Variants in SORCS1 observed in about 807,000 individuals in gnomAD.
SORCS1 encodes VPS10 domain-containing receptor SorCS1.
In SORCS1, 60 loss-of-function variants were observed where a neutral mutation model predicts 146.1. The observed-to-expected ratio is 0.41, with a 90% CI of 0.33 to 0.51. The LOEUF is 0.51. SORCS1 is among the 20% of genes least tolerant of loss of function. SORCS1 has a pLI of 0.21. For missense variants in SORCS1, 1,352 were observed against 1,487.6 expected (o/e 0.91, Z 1.50); for synonymous variants, 637 against 584.0 (o/e 1.09, Z -1.31).
At chr10:106,981,737 C>A (rs139041435) in intron 1 of SORCS1, among the ~76,000 whole-genome samples, 58 of 152,222 alleles carry the variant, frequency 3.8e-4, no homozygotes, top group African/African-American at 1.3e-3. Flanking sequence ...TAACCAATAT[C>A]CAAAAGAAGA....
chr10:106,873,530 C>T (rs1950489971), intron 2 of SORCS1, among the ~76,000 whole-genome samples: 1 of 152,114 alleles, frequency 6.6e-6, no homozygotes, highest in South Asian at 2.1e-4. Context: ...AGAGAACAGA[C>T]TTTCTGATAC....
intron 3 of SORCS1, among the ~76,000 whole-genome samples, chr10:106,807,248 C>T (rs1006809755): frequency 6.6e-6 from 1 of 152,168 alleles, no homozygotes. Context: ...AGTGCAAGGA[C>T]TGCAGATAAA....
intron 1 of SORCS1, among the ~76,000 whole-genome samples, chr10:107,154,787 C>T (rs930309336): frequency 6.6e-6 from 1 of 152,094 alleles, no homozygotes; most frequent in Non-Finnish European, 1.5e-5. Context: ...AACAGCTAAC[C>T]CTTATTGATG....
intron 17 of SORCS1, among the ~76,000 whole-genome samples, chr10:106,658,446 T>C (rs895595294): frequency 3.9e-5 from 6 of 152,162 alleles, no homozygotes; most frequent in Admixed American, 6.6e-5. Flanking sequence ...GGGGTGTTAC[T>C]GTCATTGAGC....
intron 1 of SORCS1, among the ~76,000 whole-genome samples, chr10:107,119,503 A>T (rs1250114255): frequency 1.3e-5 from 2 of 152,210 alleles, no homozygotes; most frequent in East Asian, 1.9e-4. Context: ...AGGCTTTGAA[A>T]ATGTTACTTT....
chr10:106,974,929 C>A (rs1955930811), intron 1 of SORCS1, among the ~76,000 whole-genome samples: 1 of 152,162 alleles, frequency 6.6e-6, no homozygotes, highest in Admixed American at 6.5e-5. Context: ...ATTGTCAATG[C>A]CACAAACAAA....
At chr10:106,723,737 A>G (rs1321633629) in intron 6 of SORCS1, among the ~76,000 whole-genome samples, 1 of 152,238 alleles carries the variant, frequency 6.6e-6, no homozygotes. Context: ...GATCTAAGAT[A>G]AAGTACTAGT....
At chr10:106,692,640 T>C (rs1195628576) in intron 9 of SORCS1, among the ~76,000 whole-genome samples, 1 of 152,192 alleles carries the variant, frequency 6.6e-6, no homozygotes, top group Admixed American at 6.5e-5. Context: ...AAAGCTGTTT[T>C]AAAGGAAAGA....
chr10:106,743,201 A>T (rs1320690516), intron 5 of SORCS1, among the ~76,000 whole-genome samples: 3 of 152,070 alleles, frequency 2.0e-5, no homozygotes, highest in South Asian at 4.2e-4. Context: ...AAAAGAGAAC[A>T]TGGGAAAGAG....
chr10:106,673,491 G>T (rs1360425403), intron 14 of SORCS1, among the ~76,000 whole-genome samples: 1 of 152,110 alleles, frequency 6.6e-6, no homozygotes, highest in Non-Finnish European at 1.5e-5. Context: ...AATGAGTTTT[G>T]TTAACATTGC....
At chr10:107,047,887 T>A (rs1449756053) in intron 1 of SORCS1, among the ~76,000 whole-genome samples, 1 of 151,856 alleles carries the variant, frequency 6.6e-6, no homozygotes, top group Non-Finnish European at 1.5e-5. Flanking sequence ...TCGAGACCAG[T>A]CTGGGCAATG....
At chr10:106,591,714 G>T (rs1183836715) in intron 24 of SORCS1, among the ~76,000 whole-genome samples, 1 of 152,130 alleles carries the variant, frequency 6.6e-6, no homozygotes, top group Non-Finnish European at 1.5e-5. Flanking sequence ...AAAAGGTGAT[G>T]GTCATGATCA....
In SORCS1 at chr10:106,652,490, C is replaced by T. The variant is rs756409433; in HGVS notation, c.2367G>A (p.Pro789=). 16 of 1,613,998 alleles carry T rather than the reference C, an allele frequency of 9.9e-6. No individual in the cohort carries two copies. The highest frequency in any genetic ancestry group is 6.7e-5 in the Admixed American group (4 of 60,002). ...GCGGGGCTTTCCCTGGGCACTTCTG[C>T]GGTTTGGCAGTGTACTGTTCCCTTA... ...DGVREQYTAK[P]QKCPGKAPRG... is the part of the protein sequence containing the mutation. Residue 789 remains proline, a synonymous_variant, in exon 18 of 26, where the codon CCG becomes CCA. Transcript: ENST00000263054.
chr10:106,714,135 CAAAAAAAAAA>C (rs56275056), intron 6 of SORCS1, among the ~76,000 whole-genome samples: 4 of 53,094 alleles, frequency 7.5e-5, no homozygotes, highest in Admixed American at 3.8e-4. Context: ...AACTCTGCCT[CAAAAAAAAAA>C]AAAAAAAAAA....
At chr10:106,618,316 T>G (rs773336251) in intron 20 of SORCS1, 44 bp from the exon 21 acceptor site, 4 of 1,604,426 alleles carry the variant, frequency 2.5e-6, no homozygotes, top group Middle Eastern at 1.7e-4. Flanking sequence ...GCTCTTTAGT[T>G]ACAGGTGACA....
intron 16 of SORCS1, 80 bp from the exon 17 acceptor site, chr10:106,667,882 G>T: frequency 3.5e-6 from 3 of 847,218 alleles, no homozygotes; most frequent in Non-Finnish European, 5.8e-6. Context: ...CCACAGCCAA[G>T]TTCCACACTA....
intron 24 of SORCS1, among the ~76,000 whole-genome samples, chr10:106,585,363 C>G (rs1187148345): frequency 6.6e-6 from 1 of 152,150 alleles, no homozygotes; most frequent in Non-Finnish European, 1.5e-5. Context: ...CATAAAACTT[C>G]CAGTCCTGTC....
chr10:106,693,282 G>C (rs1352763615), intron 9 of SORCS1, among the ~76,000 whole-genome samples: 1 of 152,180 alleles, frequency 6.6e-6, no homozygotes, highest in Non-Finnish European at 1.5e-5. Context: ...TTATTTTACA[G>C]AAGAGAAAAC....
chr10:106,941,035 C>T (rs1954017034), intron 2 of SORCS1, among the ~76,000 whole-genome samples: 1 of 152,138 alleles, frequency 6.6e-6, no homozygotes, highest in Non-Finnish European at 1.5e-5. Flanking sequence ...TCTTTATGAC[C>T]CTGTTCGGGT....
Sources: gnomAD v4.1 joint callset for allele counts (sites outside exome capture counted in the v4.1 genomes callset) on GRCh38, gnomAD v4.1.1 for gene constraint, MANE v1.5 for transcripts, NCBI Gene and HGNC (gene_info 2026-07-23, HGNC 2026-07-21) for gene names.